The following ATXN1L variants were observed in gnomAD, a reference collection of about 807,000 sequenced individuals.
ATXN1L encodes ataxin-1-like.
A neutral mutation model predicts 43.4 loss-of-function variants in ATXN1L; 8 were observed. That is an observed-to-expected ratio of 0.18 (90% CI 0.11 to 0.33). The LOEUF (loss-of-function observed/expected upper bound fraction) is 0.33, where lower values mean the gene tolerates loss of function less well. Among genes scored for constraint, ATXN1L ranks in the 10% least tolerant of loss-of-function variants. The pLI is 1.00. For synonymous variants in ATXN1L, 379 were observed against 360.6 expected, an observed-to-expected ratio of 1.05 and a Z score of -0.58; for missense variants, 856 against 885.4, an observed-to-expected ratio of 0.97 and a Z score of 0.42.
At chr16:71,847,296 G>C (rs1464735595) in intron 1 of ATXN1L, among the ~76,000 whole-genome samples, 3 of 151,922 alleles carry the variant, frequency 2.0e-5, no homozygotes, top group African/African-American at 7.3e-5. Context: ...TTCACATAGT[G>C]ATGGTTTAGT....
chr16:71,846,304 C>T (rs1417459767), intron 1 of ATXN1L, among the ~76,000 whole-genome samples, 200 bp downstream of exon 1: 3 of 152,188 alleles, frequency 2.0e-5, no homozygotes, highest in African/African-American at 7.2e-5. Context: ...GCCCCGGCGC[C>T]CCGGAGGCTG....
Position 71,849,684 on chromosome 16 carries a change from T to A in ATXN1L, c.-57T>A. ...AGGGAAGCTACAGAGAAGCCCCTTCTGATGCCCCAGGGAGCAAGTCGACTC... is the reference window on the plus strand; with the variant it reads ...AGGGAAGCTACAGAGAAGCCCCTTCAGATGCCCCAGGGAGCAAGTCGACTC... On this transcript the variant is annotated 5_prime_UTR_variant, in exon 3 of 3. An upstream open reading frame in the 5' UTR loses its in-frame stop. Coordinates refer to ENST00000427980, the MANE Select transcript of ATXN1L (RefSeq NM_001137675.4). The A allele has an allele frequency of 6.2e-6, 9 of 1,452,684 alleles. No individual in the cohort carries two copies. The highest frequency in any genetic ancestry group is 8.2e-6 in the Non-Finnish European group (9 of 1,099,670). 90.0% of individuals were successfully genotyped at this position (1,452,684 alleles called of 1,614,324 possible).
chr16:71,849,809 C>T lies in ATXN1L; in HGVS notation c.69C>T (p.Ser23=), dbSNP rs1434616046. The T allele has an allele frequency of 3.2e-6, 5 of 1,549,528 alleles. No homozygotes were observed. The highest frequency in any genetic ancestry group is 1.2e-5 in the South Asian group (1 of 83,752). ...AGAAACGAGACCTCCCCGTGACCAG[C>T]GAGGATATGGGGAGAACTACCAGCT... ...PPKKRDLPVT[S]EDMGRTTSCS... The change falls in exon 3 of 3, where the codon AGC becomes AGT. Residue 23 remains serine, a synonymous_variant. Coordinates refer to ENST00000427980, the MANE Select transcript of ATXN1L (RefSeq NM_001137675.4).
Position 71,851,968 on chromosome 16 carries a change from C to A in ATXN1L, c.*158C>A. 1 of 845,300 alleles carries A rather than the reference C, an allele frequency of 1.2e-6. No homozygotes were observed. The highest frequency in any genetic ancestry group is 1.7e-6 in the Non-Finnish European group (1 of 594,584). The allele number at this position is 845,300 out of a possible 1,614,324, so 52.4% of individuals were successfully genotyped here. On this transcript the variant is annotated 3_prime_UTR_variant, in exon 3 of 3. Coordinates refer to ENST00000427980, the MANE Select transcript of ATXN1L (RefSeq NM_001137675.4). The surrounding 1 kb of genome is among the most constrained non-coding windows in gnomAD (Gnocchi z 4.9). ...TGAAGTCAGCCTCCCAAGGCAGGATCTGTTGTTCATTACCCCATGGCATCC... is the reference window on the plus strand; with the variant it reads ...TGAAGTCAGCCTCCCAAGGCAGGATATGTTGTTCATTACCCCATGGCATCC...
Position 71,855,978 on chromosome 16 carries a change from C to T in ATXN1L, c.*4168C>T, listed in dbSNP as rs1039588209. ...CCACATTATGCAATAATAAAATAAG[C>T]ATCTGGGTCTTTGCAGCTGTCAGTT... On this transcript the variant is annotated 3_prime_UTR_variant, in exon 3 of 3. Transcript: ENST00000427980. 6.0e-6 allele frequency: 1 copy of T among 167,054 alleles called. No homozygotes were observed. Among genetic ancestry groups the T allele is most frequent in the Non-Finnish European group, 1.5e-5 (1 of 68,124 alleles). 10.3% of individuals were successfully genotyped at this position (167,054 alleles called of 1,614,324 possible).
In ATXN1L at chr16:71,850,749, G is replaced by A. The variant is rs1455999341; in HGVS notation, c.1009G>A (p.Val337Ile). ...HRGTPDTDLE[V>I]QRVVGALASQ... ...GGGGACCCCGGACACTGACCTTGAG[G>A]TCCAGCGGGTGGTTGGCGCTTTAGC... The change falls in exon 3 of 3, where the codon GTC (valine) becomes ATC (isoleucine). Residue 337 changes from valine to isoleucine, a missense_variant. Transcript: ENST00000427980. 1.9e-6 allele frequency: 3 copies of A among 1,551,690 alleles called. No individual in the cohort carries two copies. In the East Asian group the frequency reaches 7.3e-5, roughly 38 times the overall value.
At chr16:71,846,715 T>G (rs772072834) in intron 1 of ATXN1L, among the ~76,000 whole-genome samples, 12 of 152,176 alleles carry the variant, frequency 7.9e-5, no homozygotes, top group Non-Finnish European at 1.6e-4. Context: ...AGATGCTCAG[T>G]GAGGTTCTCG....
At position 71,850,563 on chromosome 16, in the gene ATXN1L, C is replaced by G; in HGVS notation, c.823C>G (p.Arg275Gly). The G allele has an allele frequency of 6.4e-7, 1 of 1,551,722 alleles. No homozygotes were observed. Residue 275 changes from arginine (R) to glycine (G), a missense_variant, in exon 3 of 3, where the codon CGA (arginine) becomes GGA (glycine). Physicochemically the swap from Arg to Gly is moderately radical, Grantham distance 125. Transcript: ENST00000427980. ...AAAANGGQRPRERNLVRRESE... is the reference protein window; with the variant it reads ...AAAANGGQRPGERNLVRRESE... The stretch of plus-strand genomic sequence containing the variant: ...TGCTGCAAATGGAGGACAGAGACCA[C>G]GAGAGCGAAATTTAGTAAGACGGGA...
chr16:71,849,537 T>C (rs2033476637), intron 2 of ATXN1L, 87 bp from the exon 3 acceptor site: 6 of 462,736 alleles, frequency 1.3e-5, no homozygotes, highest in Non-Finnish European at 2.2e-5. Context: ...TTGTTACATC[T>C]TCCTCCATGG....
Position 71,851,976 on chromosome 16 carries a change from C to G in ATXN1L, c.*166C>G. On this transcript the variant is annotated 3_prime_UTR_variant, in exon 3 of 3. Transcript: ENST00000427980. The surrounding 1 kb of genome is among the most constrained non-coding windows in gnomAD (Gnocchi z 4.9). ...GCCTCCCAAGGCAGGATCTGTTGTT[C>G]ATTACCCCATGGCATCCTTTCAGGA... 4.0e-6 allele frequency: 3 copies of G among 755,274 alleles called. No individual in the cohort carries two copies. Among genetic ancestry groups the G allele is most frequent in the Non-Finnish European group, 5.8e-6 (3 of 516,664 alleles). The allele number at this position is 755,274 out of a possible 1,614,324, so 46.8% of individuals were successfully genotyped here.
rs1333884250 is a variant in ATXN1L, at chr16:71,851,917, G to A, written c.*107G>A. On this transcript the variant is annotated 3_prime_UTR_variant, in exon 3 of 3. Transcript: ENST00000427980. The surrounding 1 kb of genome is among the most constrained non-coding windows in gnomAD (Gnocchi z 4.9). ...CGAGCAGGGAATGGCTTTCTTGGCAGTGAGATTTGGGGGAAAGGGGAGGCA... is the reference window on the plus strand; with the variant it reads ...CGAGCAGGGAATGGCTTTCTTGGCAATGAGATTTGGGGGAAAGGGGAGGCA... The A allele has an allele frequency of 3.9e-6, 5 of 1,267,148 alleles. No individual in the cohort carries two copies. The highest frequency in any genetic ancestry group is 2.1e-4 in the Middle Eastern group (1 of 4,658). 78.5% of individuals were successfully genotyped at this position (1,267,148 alleles called of 1,614,324 possible). A position where few individuals can be genotyped will look rare whatever the true frequency, so the allele number is the denominator to read the frequency against.
chr16:71,848,228 G>A (rs1269384371), intron 2 of ATXN1L, 157 bp downstream of exon 2: 1 of 325,294 alleles, frequency 3.1e-6, no homozygotes, highest in Admixed American at 4.3e-5. Flanking sequence ...GCACTGAAGT[G>A]TTCAGACCAA....
In ATXN1L at chr16:71,851,021, A is replaced by T; in HGVS notation, c.1281A>T (p.Ser427=). 1 of 1,551,660 alleles carries T rather than the reference A, an allele frequency of 6.4e-7. No individual in the cohort carries two copies. The highest frequency in any genetic ancestry group is 8.7e-7 in the Non-Finnish European group (1 of 1,146,974). ...NGNLVPTGTD[S]GLLPVGSEIL... ...ACCTGGTGCCCACTGGAACTGACTC[A>T]GGCCTGCTGCCTGTGGGCTCGGAGA... Residue 427 remains serine, a synonymous_variant, in exon 3 of 3, where the codon TCA becomes TCT. Coordinates refer to ENST00000427980, the MANE Select transcript of ATXN1L (RefSeq NM_001137675.4). The surrounding 1 kb of genome is among the most constrained non-coding windows in gnomAD (Gnocchi z 4.9).
At position 71,855,187 on chromosome 16, in the gene ATXN1L, C is replaced by T. The variant is rs1434742602; in HGVS notation, c.*3377C>T. On this transcript the variant is annotated 3_prime_UTR_variant, in exon 3 of 3. Transcript: ENST00000427980. ...AGGCCATGTTATTTTATAGCGAAGTCATGTTCGATAGGGATGGTATGAAAT... is the reference window on the plus strand; with the variant it reads ...AGGCCATGTTATTTTATAGCGAAGTTATGTTCGATAGGGATGGTATGAAAT... 2 of 167,130 alleles carry T rather than the reference C, an allele frequency of 1.2e-5. No homozygotes were observed. The highest frequency in any genetic ancestry group is 4.8e-5 in the African/African-American group (2 of 41,448). The allele number at this position is 167,130 out of a possible 1,614,324, so 10.4% of individuals were successfully genotyped here. A position where few individuals can be genotyped will look rare whatever the true frequency, so the allele number is the denominator to read the frequency against.
At position 71,852,737 on chromosome 16, in the gene ATXN1L, T is replaced by C. The variant is rs1318379850; in HGVS notation, c.*927T>C. 2 of 167,210 alleles carry C rather than the reference T, an allele frequency of 1.2e-5. No individual in the cohort carries two copies. The highest frequency in any genetic ancestry group is 4.8e-5 in the African/African-American group (2 of 41,448). The allele number at this position is 167,210 out of a possible 1,614,324, so 10.4% of individuals were successfully genotyped here. A position where few individuals can be genotyped will look rare whatever the true frequency, so the allele number is the denominator to read the frequency against. ...CACTGACCCCCCACCTTTGTCTGTG[T>C]TGTGCCCAAGTGCCTGCGCCACCCC... On this transcript the variant is annotated 3_prime_UTR_variant, in exon 3 of 3. Coordinates refer to ENST00000427980, the MANE Select transcript of ATXN1L (RefSeq NM_001137675.4).
rs1217677058 is a variant in ATXN1L, at chr16:71,850,407, G to A, written c.667G>A (p.Ala223Thr). 1.3e-6 allele frequency: 2 copies of A among 1,551,588 alleles called. No homozygotes were observed. The highest frequency in any genetic ancestry group is 1.2e-5 in the South Asian group (1 of 84,058). Reference sequence around the variant, plus strand: ...TTCAAGTACTCAGCCGCTGGACCTTGCTCCAGGTCGGATGCCCATTTATTA... The same window carrying A: ...TTCAAGTACTCAGCCGCTGGACCTTACTCCAGGTCGGATGCCCATTTATTA... Reference protein sequence around the residue: ...HHSSTQPLDLAPGRMPIYYQM... With the variant: ...HHSSTQPLDLTPGRMPIYYQM... The change falls in exon 3 of 3, where the codon GCT becomes ACT. Residue 223 changes from alanine (A) to threonine (T), a missense_variant. Physicochemically the swap from Ala to Thr is moderately conservative, Grantham distance 58 (BLOSUM62 0). Transcript: ENST00000427980.
rs1408950443 is a variant in ATXN1L at position 71,855,825 on chromosome 16, C to T, written c.*4015C>T. 6.0e-6 allele frequency: 1 copy of T among 167,068 alleles called. No individual in the cohort carries two copies. Among genetic ancestry groups the T allele is most frequent in the Non-Finnish European group, 1.5e-5 (1 of 68,116 alleles). 10.3% of individuals were successfully genotyped at this position (167,068 alleles called of 1,614,324 possible). A position where few individuals can be genotyped will look rare whatever the true frequency, so the allele number is the denominator to read the frequency against. On this transcript the variant is annotated 3_prime_UTR_variant, in exon 3 of 3. Coordinates refer to ENST00000427980, the MANE Select transcript of ATXN1L (RefSeq NM_001137675.4). ...ACCACACTGAAGCTATAGTACCTTC[C>T]AGATGGGCAAAAGTGTACACTACAG... is the stretch of plus-strand genomic sequence containing the variant.
Position 71,850,913 on chromosome 16 carries a change from G to A in ATXN1L, c.1173G>A (p.Gln391=), listed in dbSNP as rs567078834. Residue 391 remains glutamine (Q), a synonymous_variant, in exon 3 of 3, where the codon CAG becomes CAA. Coordinates refer to ENST00000427980, the MANE Select transcript of ATXN1L (RefSeq NM_001137675.4). The stretch of plus-strand genomic sequence containing the variant: ...CTGCAGAGCTGGCAGAGAAAAGTCA[G>A]GCCCGTGGGTTCTACCCTCAGTCCC... ...RNPAELAEKS[Q]ARGFYPQSHQ... 6.4e-7 allele frequency: 1 copy of A among 1,551,672 alleles called. No homozygotes were observed. The highest frequency in any genetic ancestry group is 2.4e-5 in the East Asian group (1 of 40,914).
At chr16:71,849,398 C>T (rs2033475796) in intron 2 of ATXN1L, among the ~76,000 whole-genome samples, 1 of 152,022 alleles carries the variant, frequency 6.6e-6, no homozygotes, top group Non-Finnish European at 1.5e-5. Context: ...TTGGTGAATG[C>T]GTGTCCCTGT....
Sources: allele counts gnomAD v4.1 joint callset (sites outside exome capture counted in the v4.1 genomes callset), GRCh38; gene constraint gnomAD v4.1.1; non-coding constraint Gnocchi (gnomAD v3.1); transcripts MANE v1.5; gene names NCBI Gene and HGNC (gene_info 2026-07-23, HGNC 2026-07-21).